The following PIK3CA variants were observed in gnomAD, a reference collection of about 807,000 sequenced individuals.
PIK3CA encodes phosphatidylinositol-4,5-bisphosphate 3-kinase catalytic subunit alpha.
Under a neutral mutation model 138.2 loss-of-function variants are expected in PIK3CA, and 27 were observed. The observed-to-expected ratio is 0.20, with a 90% confidence interval of 0.14 to 0.27. The LOEUF (loss-of-function observed/expected upper bound fraction) is 0.27, where lower values mean the gene tolerates loss of function less well. Among genes scored for constraint, PIK3CA ranks in the 10% least tolerant of loss-of-function variants. PIK3CA has a pLI of 1.00. For missense variants in PIK3CA, 544 were observed against 1,277.4 expected (o/e 0.43, Z 8.75); for synonymous variants, 358 against 413.2 (o/e 0.87, Z 1.62).
intron 9 of PIK3CA, among the ~76,000 whole-genome samples, chr3:179,216,156 A>G (rs1315750029): frequency 2.0e-5 from 3 of 152,218 alleles, no homozygotes; most frequent in Non-Finnish European, 4.4e-5. Flanking sequence ...GACAACACCT[A>G]AACTGTCTCT....
At chr3:179,180,321 C>T (rs908887426) in intron 1 of PIK3CA, among the ~76,000 whole-genome samples, 10 of 152,100 alleles carry the variant, frequency 6.6e-5, no homozygotes, top group African/African-American at 1.2e-4. Flanking sequence ...AAAATTACCA[C>T]GTTCTGCCTT....
At chr3:179,196,891 T>C (rs1031199724) in intron 1 of PIK3CA, among the ~76,000 whole-genome samples, 5 of 152,164 alleles carry the variant, frequency 3.3e-5, no homozygotes, top group African/African-American at 7.2e-5. Flanking sequence ...CTAAGAGTGG[T>C]ATTTGAAGAA....
intron 6 of PIK3CA, among the ~76,000 whole-genome samples, chr3:179,206,083 G>T (rs1291193528): frequency 7.0e-6 from 1 of 142,280 alleles, no homozygotes; most frequent in African/African-American, 2.7e-5. Flanking sequence ...ACAACTTCAG[G>T]ATCTTTTTTT....
chr3:179,162,552 A>G (rs1021516950), intron 1 of PIK3CA, among the ~76,000 whole-genome samples: 3 of 152,166 alleles, frequency 2.0e-5, no homozygotes, highest in African/African-American at 7.2e-5. Context: ...TAGGAAAACC[A>G]AGAGTCAACT....
intron 16 of PIK3CA, 43 bp from the exon 17 acceptor site, chr3:179,225,919 C>T (rs1042815141): frequency 3.1e-6 from 3 of 974,794 alleles, no homozygotes; most frequent in Non-Finnish European, 5.0e-6. Flanking sequence ...CCCAAATTTG[C>T]ATCTGTGGCA....
intron 16 of PIK3CA, 129 bp downstream of exon 16, chr3:179,224,950 A>G (rs766860107): frequency 3.7e-5 from 20 of 542,544 alleles, no homozygotes; most frequent in Non-Finnish European, 6.1e-5. Context: ...AATATGTAAT[A>G]TTTATCAGAT....
intron 6 of PIK3CA, among the ~76,000 whole-genome samples, chr3:179,207,552 T>TC: frequency 1.3e-5 from 2 of 150,076 alleles, no homozygotes; most frequent in Non-Finnish European, 3.0e-5. Flanking sequence ...TTCTTTTCTT[T>TC]TTTTTTTTTT....
intron 1 of PIK3CA, among the ~76,000 whole-genome samples, chr3:179,181,082 A>C (rs1005662734): frequency 6.6e-6 from 1 of 152,102 alleles, no homozygotes; most frequent in African/African-American, 2.4e-5. Context: ...CAGAAGAACA[A>C]AAGAGCAGTA....
chr3:179,186,651 T>C (rs1723989018), intron 1 of PIK3CA, among the ~76,000 whole-genome samples: 1 of 152,214 alleles, frequency 6.6e-6, no homozygotes, highest in Non-Finnish European at 1.5e-5. Context: ...CGAAGGACAA[T>C]GAGCCCTATT....
intron 1 of PIK3CA, among the ~76,000 whole-genome samples, chr3:179,195,928 T>C (rs955170556): frequency 6.6e-6 from 1 of 152,192 alleles, no homozygotes; most frequent in Non-Finnish European, 1.5e-5. Flanking sequence ...AAAAACCATC[T>C]GACAAATAAA....
At position 179,203,524 on chromosome 3, in the gene PIK3CA, G is replaced by A. The variant is rs202180110; in HGVS notation, c.814-20G>A. 1.5e-5 allele frequency: 23 copies of A among 1,572,172 alleles called. No homozygotes were observed. Among genetic ancestry groups the A allele is most frequent in the African/African-American group, 5.5e-5 (4 of 73,228 alleles). The stretch of plus-strand genomic sequence containing the variant: ...TGAAAAACCTTACAGGAAATGGCTC[G>A]CCCCCTTAATCTCTTACAGTATATA... On this transcript the variant is annotated intron_variant, in intron 4 of 20. Transcript: ENST00000263967.
intron 1 of PIK3CA, among the ~76,000 whole-genome samples, chr3:179,156,034 T>C (rs963401323): frequency 4.1e-4 from 62 of 152,240 alleles, no homozygotes; most frequent in Non-Finnish European, 4.3e-4. Flanking sequence ...AAGCCTGTTT[T>C]TTTATTTCAG....
rs1725198146 is a variant in PIK3CA at position 179,230,995 on chromosome 3, GTC to G, written c.2936+623_2936+624del. On this transcript the variant is annotated intron_variant, in intron 20 of 20. Transcript: ENST00000263967. This position sits in a 1 kb window ranked among gnomAD's most constrained non-coding sequence, Gnocchi z 5.4. ...GTTCTTCCCACCGTCTCCCATCTGAGTCTCTGTAGTCCATTATATCACTCTGT... is the reference window on the plus strand; with the variant it reads ...GTTCTTCCCACCGTCTCCCATCTGAGTCTGTAGTCCATTATATCACTCTGT... 6.6e-6 allele frequency among the ~76,000 whole-genome samples: 1 copy of G among 152,106 alleles called. No homozygotes were observed. The highest frequency in any genetic ancestry group is 2.4e-5 in the African/African-American group (1 of 41,488).
intron 1 of PIK3CA, among the ~76,000 whole-genome samples, chr3:179,158,144 G>A (rs1723185273): frequency 6.6e-6 from 1 of 152,052 alleles, no homozygotes; most frequent in African/African-American, 2.4e-5. Context: ...GGGCAATAAG[G>A]TTGCCTTCAA....
intron 2 of PIK3CA, 30 bp from the exon 3 acceptor site, chr3:179,199,660 T>C: frequency 6.9e-7 from 1 of 1,447,234 alleles, no homozygotes; most frequent in Non-Finnish European, 9.7e-7. Flanking sequence ...TGTAATAGAA[T>C]GTTATATTCT....
chr3:179,223,890 C>A (rs972907598), intron 14 of PIK3CA, among the ~76,000 whole-genome samples, 191 bp from the exon 15 acceptor site: 3 of 152,200 alleles, frequency 2.0e-5, no homozygotes, highest in Non-Finnish European at 4.4e-5. Context: ...ACAGTGCTGC[C>A]AGTCTTGCTT....
At chr3:179,229,230 A>T in intron 17 of PIK3CA, 42 bp from the exon 18 acceptor site, 1 of 1,514,828 alleles carries the variant, frequency 6.6e-7, no homozygotes, top group South Asian at 1.2e-5. Flanking sequence ...TGCTATTTTA[A>T]AATTCCATCA....
At chr3:179,211,574 G>A (rs1724712396) in intron 9 of PIK3CA, among the ~76,000 whole-genome samples, 1 of 152,196 alleles carries the variant, frequency 6.6e-6, no homozygotes, top group Non-Finnish European at 1.5e-5. Context: ...GGCTAAGTTA[G>A]GAGAATTGCT....
chr3:179,215,685 C>CT (rs1418349905), intron 9 of PIK3CA, among the ~76,000 whole-genome samples: 1 of 152,112 alleles, frequency 6.6e-6, no homozygotes, highest in Non-Finnish European at 1.5e-5. Context: ...TCTGCAGACA[C>CT]TGTCTTTGTA....
Sources: gnomAD v4.1 joint callset for allele counts (sites outside exome capture counted in the v4.1 genomes callset) on GRCh38, gnomAD v4.1.1 for gene constraint, Gnocchi (gnomAD v3.1) non-coding constraint, MANE v1.5 for transcripts, NCBI Gene and HGNC (gene_info 2026-07-23, HGNC 2026-07-21) for gene names.